The following PAPSS2 variants were observed in gnomAD, a reference collection of about 807,000 sequenced individuals.
PAPSS2 encodes the protein 3'-phosphoadenosine 5'-phosphosulfate synthase 2.
A neutral mutation model predicts 66.5 loss-of-function variants in PAPSS2; 61 were observed. That is an observed-to-expected ratio of 0.92 (90% CI 0.75 to 1.14). PAPSS2 has a LOEUF of 1.14. Among genes scored for constraint, PAPSS2 ranks in the 50% most tolerant of loss-of-function variants. The pLI, the probability that PAPSS2 is intolerant of heterozygous loss-of-function variation, is 0.00. For missense variants in PAPSS2, 708 were observed against 789.6 expected (o/e 0.90, Z 1.24); for synonymous variants, 289 against 287.5 (o/e 1.01, Z -0.05).
At chr10:87,715,971 T>A (rs766225692) in intron 7 of PAPSS2, 128 bp downstream of exon 7, 6 of 714,628 alleles carry the variant, frequency 8.4e-6, no homozygotes, top group Non-Finnish European at 1.5e-5. Flanking sequence ...TTTGGATCAT[T>A]TACAGTGTGC....
rs576646918 is a variant in PAPSS2 at position 87,722,360 on chromosome 10, A to G, written c.880+590A>G. Among the ~76,000 whole-genome samples, 4 of 152,296 alleles carry G rather than the reference A, an allele frequency of 2.6e-5. No homozygotes were observed. The East Asian group carries it at 7.7e-4, about 29-fold the overall frequency. On this transcript the variant is annotated intron_variant, in intron 8 of 12. Transcript: ENST00000456849. ...AGAATGAAAAGGTAGAATTCTGAAT[A>G]TGTCATCTATCTTTGGTGTTGCTTT...
rs1356215260 is a variant in PAPSS2 at position 87,715,036 on chromosome 10, G to A, written c.691G>A (p.Glu231Lys). 6.2e-7 allele frequency: 1 copy of A among 1,613,556 alleles called. No individual in the cohort carries two copies. Among genetic ancestry groups the A allele is most frequent in the Non-Finnish European group, 8.5e-7 (1 of 1,179,568 alleles). The change falls in exon 6 of 13, where the codon GAA becomes AAA. Residue 231 changes from glutamate to lysine, a missense_variant. Coordinates refer to ENST00000456849, the MANE Select transcript of PAPSS2 (RefSeq NM_001015880.2). ...AGATATCCACGAACTCTTTGTGCCG[G>A]AAAACAAACTTGACCACGTCCGAGC... ...IKDIHELFVPENKLDHVRAEA... is the reference protein window; with the variant it reads ...IKDIHELFVPKNKLDHVRAEA...
At chr10:87,726,202 T>C (rs1215573225) in intron 8 of PAPSS2, among the ~76,000 whole-genome samples, 3 of 151,852 alleles carry the variant, frequency 2.0e-5, no homozygotes, top group African/African-American at 7.3e-5. Flanking sequence ...GAGGCTGAGG[T>C]TGGCAGATCA....
At position 87,692,586 on chromosome 10, in the gene PAPSS2, G is replaced by C. The variant is rs372939143; in HGVS notation, c.28-16610G>C. On this transcript the variant is annotated intron_variant, in intron 1 of 12. Coordinates refer to ENST00000456849, the MANE Select transcript of PAPSS2 (RefSeq NM_001015880.2). The stretch of plus-strand genomic sequence containing the variant: ...GTGGTCAATGGGAAGAAATGGAAGA[G>C]AGATGCTGTTTTAGAGATTATTGGC... Among the ~76,000 whole-genome samples the C allele has an allele frequency of 1.5e-3, 228 of 152,320 alleles. 7 individuals are homozygous for C. In the South Asian group the frequency reaches 0.044, roughly 29 times the overall value.
At chr10:87,688,306 C>T (rs1329956534) in intron 1 of PAPSS2, among the ~76,000 whole-genome samples, 1 of 151,604 alleles carries the variant, frequency 6.6e-6, no homozygotes, top group Admixed American at 6.6e-5. Flanking sequence ...TAAAACACAC[C>T]TGTAAATTTA....
At chr10:87,718,807 C>A (rs969183312) in intron 7 of PAPSS2, among the ~76,000 whole-genome samples, 5 of 152,192 alleles carry the variant, frequency 3.3e-5, no homozygotes, top group Non-Finnish European at 5.9e-5. Context: ...GCTTTAGTTC[C>A]ACAGTGTTAG....
chr10:87,716,728 A>C (rs902789446), intron 7 of PAPSS2, among the ~76,000 whole-genome samples: 2 of 152,194 alleles, frequency 1.3e-5, no homozygotes, highest in Admixed American at 6.5e-5. Context: ...ACTGATCAGC[A>C]TGGGCCCTCT....
intron 1 of PAPSS2, among the ~76,000 whole-genome samples, chr10:87,687,829 TAAAAA>T (rs1853107595): frequency 8.6e-6 from 1 of 116,752 alleles, no homozygotes; most frequent in Non-Finnish European, 2.1e-5. Flanking sequence ...AAAAAACTCT[TAAAAA>T]GAAAAAAGAA....
intron 10 of PAPSS2, among the ~76,000 whole-genome samples, chr10:87,743,043 C>T (rs1181564628): frequency 2.6e-5 from 4 of 152,078 alleles, no homozygotes; most frequent in South Asian, 2.1e-4. Context: ...GTCAGGGGTT[C>T]GAGACCAGCC....
At chr10:87,712,356 T>A (rs1462490098) in intron 2 of PAPSS2, among the ~76,000 whole-genome samples, 4 of 152,216 alleles carry the variant, frequency 2.6e-5, no homozygotes, top group African/African-American at 9.6e-5. Flanking sequence ...TTTCCCTCCA[T>A]TCCAGCTGAT....
intron 1 of PAPSS2, among the ~76,000 whole-genome samples, chr10:87,678,060 A>C (rs1192827225): frequency 1.3e-5 from 2 of 152,200 alleles, no homozygotes; most frequent in Non-Finnish European, 2.9e-5. Context: ...AATGGGGAAG[A>C]CCACTTCTAA....
At position 87,701,368 on chromosome 10, in the gene PAPSS2, CTTTCTTTCT is replaced by C. The variant is rs1250928662; in HGVS notation, c.28-7825_28-7817del. On this transcript the variant is annotated intron_variant, in intron 1 of 12. Transcript: ENST00000456849. ...TCTTTCTTTCTTTCTTTCTTTCTTT[CTTTCTTTCT>C]TTCTTTCTTTCTTTCTTTCTCTTTC... Among the ~76,000 whole-genome samples, 121 of 99,134 alleles carry C rather than the reference CTTTCTTTCT, an allele frequency of 1.2e-3. 1 individual carries two copies. The highest frequency in any genetic ancestry group is 3.5e-3 in the Admixed American group (27 of 7,744). The allele number at this position is 99,134 out of a possible 152,430, so 65.0% of individuals were successfully genotyped here. A position where few individuals can be genotyped will look rare whatever the true frequency, so the allele number is the denominator to read the frequency against.
intron 8 of PAPSS2, among the ~76,000 whole-genome samples, chr10:87,724,822 T>C (rs72811983): frequency 0.14 from 13,810 of 100,716 alleles, 850 homozygotes; most frequent in Middle Eastern, 0.2. Flanking sequence ...CTATGTATTA[T>C]ATATAGGTAT....
chr10:87,734,697 ATATATATATG>A (rs1853775244), intron 9 of PAPSS2, among the ~76,000 whole-genome samples: 2 of 131,182 alleles, frequency 1.5e-5, no homozygotes, highest in African/African-American at 5.7e-5. Context: ...ATATATATAT[ATATATATATG>A]TATGTATTCT....
At chr10:87,676,800 G>A (rs1180103559) in intron 1 of PAPSS2, among the ~76,000 whole-genome samples, 6 of 142,688 alleles carry the variant, frequency 4.2e-5, no homozygotes, top group South Asian at 2.3e-4. Flanking sequence ...TGAGCCCAGC[G>A]GTTCCAGGCC....
chr10:87,718,830 G>A (rs1215481566), intron 7 of PAPSS2, among the ~76,000 whole-genome samples: 1 of 152,218 alleles, frequency 6.6e-6, no homozygotes, highest in Non-Finnish European at 1.5e-5. Context: ...AATTGAGTGA[G>A]GCAACTCTTG....
intron 3 of PAPSS2, 68 bp from the exon 4 acceptor site, chr10:87,713,976 C>A: frequency 1.3e-6 from 2 of 1,548,714 alleles, no homozygotes; most frequent in Non-Finnish European, 1.8e-6. Context: ...CCAAAGTACA[C>A]AGTGTTTTGT....
intron 1 of PAPSS2, among the ~76,000 whole-genome samples, chr10:87,662,832 A>G (rs966024456): frequency 1.3e-5 from 2 of 152,122 alleles, no homozygotes; most frequent in Non-Finnish European, 2.9e-5. Flanking sequence ...AGCGCTCTCC[A>G]TAGATGTAAG....
At chr10:87,707,835 G>A (rs1213110914) in intron 1 of PAPSS2, among the ~76,000 whole-genome samples, 1 of 152,098 alleles carries the variant, frequency 6.6e-6, no homozygotes, top group African/African-American at 2.4e-5. Context: ...ACCTCCCAAA[G>A]TGCTGGGATT....
Sources: allele counts gnomAD v4.1 joint callset (sites outside exome capture counted in the v4.1 genomes callset), GRCh38; gene constraint gnomAD v4.1.1; transcripts MANE v1.5; gene names NCBI Gene and HGNC (gene_info 2026-07-23, HGNC 2026-07-21).